Variants in SRPK2 observed in about 807,000 individuals in gnomAD.
SRPK2 encodes the protein SFRS protein kinase 2.
A neutral mutation model predicts 90.8 loss-of-function variants in SRPK2; 21 were observed. The ratio of observed to expected loss-of-function variants is 0.23; its 90% CI spans 0.16 to 0.33. The LOEUF is 0.33. Among genes scored for constraint, SRPK2 ranks in the 10% least tolerant of loss-of-function variants. The pLI is 1.00. For synonymous variants in SRPK2, 288 were observed against 311.1 expected (o/e 0.93, Z 0.78); for missense variants, 620 against 869.0 (o/e 0.71, Z 3.60).
intron 6 of SRPK2, among the ~76,000 whole-genome samples, chr7:105,161,665 C>G (rs1000064968): frequency 1.3e-5 from 2 of 152,200 alleles, no homozygotes; most frequent in African/African-American, 4.8e-5. Flanking sequence ...GAAACAAATA[C>G]AGAGCTCCAG....
intron 2 of SRPK2, among the ~76,000 whole-genome samples, chr7:105,262,881 A>T (rs1804503510): frequency 2.0e-5 from 3 of 152,356 alleles, no homozygotes; most frequent in South Asian, 4.1e-4. Context: ...CCAAATTGAA[A>T]AGAACCTGGA....
intron 2 of SRPK2, among the ~76,000 whole-genome samples, chr7:105,368,758 G>A (rs1819366577): frequency 6.6e-6 from 1 of 151,992 alleles, no homozygotes; most frequent in African/African-American, 2.4e-5. Context: ...GGTGGCGCAT[G>A]CCTGTAATCC....
chr7:105,244,566 T>C (rs934539665), intron 2 of SRPK2: 3 of 592,038 alleles, frequency 5.1e-6, no homozygotes, highest in Non-Finnish European at 9.1e-6. Flanking sequence ...AGAACGAGAC[T>C]CCGTCTCAAC....
At chr7:105,163,802 A>G (rs1754321033) in intron 6 of SRPK2, among the ~76,000 whole-genome samples, 1 of 152,090 alleles carries the variant, frequency 6.6e-6, no homozygotes, top group African/African-American at 2.4e-5. Context: ...CAAGAGCAAA[A>G]TTCCATCTCA....
chr7:105,176,992 C>A (rs1162985841), intron 3 of SRPK2, among the ~76,000 whole-genome samples: 1 of 152,056 alleles, frequency 6.6e-6, no homozygotes, highest in Non-Finnish European at 1.5e-5. Context: ...GATCACTTTT[C>A]TAATGGACTG....
intron 2 of SRPK2, among the ~76,000 whole-genome samples, chr7:105,242,357 C>T (rs1299062465): frequency 1.3e-5 from 2 of 152,008 alleles, no homozygotes; most frequent in Non-Finnish European, 2.9e-5. Context: ...ACTAAAAATT[C>T]AAAAGTTATC....
At position 105,386,947 on chromosome 7, in the gene SRPK2, G is replaced by A. The variant is rs117189695; in HGVS notation, c.71+1701C>T. On this transcript the variant is annotated intron_variant, in intron 2 of 15. Coordinates refer to ENST00000393651, the MANE Select transcript of SRPK2 (RefSeq NM_182692.3). ...TGTGAGAGGAAAAGCTGAGTACTGT[G>A]GCTATTCACTAAGTCTTCATCAACA... Among the ~76,000 whole-genome samples, 713 of 152,210 alleles carry A rather than the reference G, an allele frequency of 4.7e-3. 11 individuals carry two copies. In the East Asian group the frequency reaches 0.055, roughly 12 times the overall value.
At chr7:105,176,709 ATG>A (rs34930111) in intron 3 of SRPK2, among the ~76,000 whole-genome samples, 75,765 of 127,182 alleles carry the variant, frequency 0.6, 19,885 homozygotes, top group Non-Finnish European at 0.63. Context: ...ATGTATGTGT[ATG>A]TGTGTGTGTG....
intron 2 of SRPK2, among the ~76,000 whole-genome samples, chr7:105,212,734 G>C (rs1467757027): frequency 6.6e-6 from 1 of 152,154 alleles, no homozygotes; most frequent in African/African-American, 2.4e-5. Flanking sequence ...AAATTCATGG[G>C]AAAACGCTGC....
intron 2 of SRPK2, among the ~76,000 whole-genome samples, chr7:105,303,845 T>C (rs916217694): frequency 6.6e-6 from 1 of 152,200 alleles, no homozygotes; most frequent in Non-Finnish European, 1.5e-5. Flanking sequence ...GGTCAAACTA[T>C]GTGAAAAGCT....
rs181087177 is a variant in SRPK2 at position 105,358,735 on chromosome 7, C to T, written c.71+29913G>A. On this transcript the variant is annotated intron_variant, in intron 2 of 15. Transcript: ENST00000393651. ...TCATAAGGAAGAGAAAATATATTTA[C>T]TATTTGTCTTAGTCTATTTTTGCTG... Among the ~76,000 whole-genome samples, 304 of 152,038 alleles carry T rather than the reference C, an allele frequency of 2.0e-3. 2 individuals carry two copies. Among genetic ancestry groups the T allele is most frequent in the African/African-American group, 6.5e-3 (271 of 41,488 alleles).
At chr7:105,341,240 T>A (rs1287175999) in intron 2 of SRPK2, among the ~76,000 whole-genome samples, 2 of 151,092 alleles carry the variant, frequency 1.3e-5, no homozygotes, top group African/African-American at 4.9e-5. Context: ...GGCGCAGGCC[T>A]ATAATCCCAG....
At chr7:105,380,206 A>C (rs1820779737) in intron 2 of SRPK2, among the ~76,000 whole-genome samples, 1 of 152,192 alleles carries the variant, frequency 6.6e-6, no homozygotes, top group Non-Finnish European at 1.5e-5. Flanking sequence ...ATCTCAGCTC[A>C]AAGCAACCTC....
chr7:105,220,737 G>A (rs1213596796), intron 2 of SRPK2, among the ~76,000 whole-genome samples: 1 of 151,982 alleles, frequency 6.6e-6, no homozygotes, highest in African/African-American at 2.4e-5. Context: ...TTTTCACTAA[G>A]ACTCACTTTA....
intron 2 of SRPK2, among the ~76,000 whole-genome samples, chr7:105,223,835 C>T (rs186969265): frequency 2.1e-4 from 32 of 152,252 alleles, no homozygotes; most frequent in Admixed American, 1.6e-3. Context: ...GTGCTTCATG[C>T]GGTAAAAGTA....
chr7:105,165,286 C>G (rs2129584737), intron 6 of SRPK2, among the ~76,000 whole-genome samples: 1 of 152,266 alleles, frequency 6.6e-6, no homozygotes, highest in Middle Eastern at 3.4e-3. Context: ...GTAGCATGGT[C>G]AAAACTGATA....
At chr7:105,245,875 C>A (rs936235895) in intron 2 of SRPK2, among the ~76,000 whole-genome samples, 13 of 152,100 alleles carry the variant, frequency 8.5e-5, no homozygotes, top group African/African-American at 2.9e-4. Flanking sequence ...CACATCATCG[C>A]ACCCAGCTGG....
At chr7:105,188,455 T>G (rs1013868537) in intron 3 of SRPK2, among the ~76,000 whole-genome samples, 2 of 152,176 alleles carry the variant, frequency 1.3e-5, no homozygotes, top group Non-Finnish European at 2.9e-5. Flanking sequence ...CACACAATTG[T>G]ACCCTTTAAA....
At position 105,116,894 on chromosome 7, in the gene SRPK2, C is replaced by G. The variant is rs934331746; in HGVS notation, c.*944G>C. 1 of 152,166 alleles carries G rather than the reference C, an allele frequency of 6.6e-6. No individual in the cohort carries two copies. Among genetic ancestry groups the G allele is most frequent in the African/African-American group, 2.4e-5 (1 of 41,434 alleles). The allele number at this position is 152,166 out of a possible 1,614,324, so 9.4% of individuals were successfully genotyped here. A position where few individuals can be genotyped will look rare whatever the true frequency, so the allele number is the denominator to read the frequency against. ...ACCTTGTGTTCTAGACAAGCATGAT[C>G]ATGCTTTTCCAAAAATATATGTATT... is the stretch of plus-strand genomic sequence containing the variant. On this transcript the variant is annotated 3_prime_UTR_variant, in exon 16 of 16. Transcript: ENST00000393651.
Sources: gnomAD v4.1 joint callset for allele counts (sites outside exome capture counted in the v4.1 genomes callset) on GRCh38, gnomAD v4.1.1 for gene constraint, MANE v1.5 for transcripts, NCBI Gene and HGNC (gene_info 2026-07-23, HGNC 2026-07-21) for gene names.